The following NEK11 variants were observed in gnomAD, a reference collection of about 807,000 sequenced individuals.
The protein encoded by NEK11 is serine/threonine-protein kinase Nek11.
A neutral mutation model predicts 80.7 loss-of-function variants in NEK11; 72 were observed. That is an observed-to-expected ratio of 0.89 (90% CI 0.74 to 1.08). The LOEUF is 1.08. Among genes scored for constraint, NEK11 ranks in the 50% least tolerant of loss-of-function variants. The pLI, the probability that NEK11 is intolerant of heterozygous loss-of-function variation, is 0.00. For missense variants in NEK11, 764 were observed against 763.6 expected (o/e 1.00, Z -0.01); for synonymous variants, 251 against 260.7 (o/e 0.96, Z 0.36).
chr3:131,055,692 T>A (rs2069338484), intron 3 of NEK11, among the ~76,000 whole-genome samples: 1 of 152,174 alleles, frequency 6.6e-6, no homozygotes, highest in Non-Finnish European at 1.5e-5. Context: ...ATTGCACCAC[T>A]GCGCTCCAAC....
At chr3:131,078,271 G>A (rs1186429800) in intron 3 of NEK11, among the ~76,000 whole-genome samples, 1 of 152,168 alleles carries the variant, frequency 6.6e-6, no homozygotes, top group African/African-American at 2.4e-5. Context: ...TCTTGGATTA[G>A]AAGGTTTTCC....
intron 17 of NEK11, among the ~76,000 whole-genome samples, chr3:131,334,849 A>C (rs933716560): frequency 5.3e-5 from 8 of 152,266 alleles, no homozygotes; most frequent in African/African-American, 1.9e-4. Flanking sequence ...ACCTCTACGC[A>C]AATAAACTAG....
intron 3 of NEK11, among the ~76,000 whole-genome samples, chr3:131,060,076 A>G (rs1012670701): frequency 6.6e-6 from 1 of 152,220 alleles, no homozygotes; most frequent in Admixed American, 6.5e-5. Flanking sequence ...GTGACTGCAC[A>G]GGTACTATGC....
chr3:131,168,968 G>A (rs1426874864), intron 13 of NEK11, 31 bp downstream of exon 13: 1 of 1,545,558 alleles, frequency 6.5e-7, no homozygotes. Context: ...AAGCACAAAA[G>A]TGAGGCAGGT....
At position 131,294,153 on chromosome 3, in the gene NEK11, T is replaced by G. The variant is rs530549705; in HGVS notation, c.1718+20579T>G. Among the ~76,000 whole-genome samples the G allele has an allele frequency of 6.6e-5, 10 of 152,210 alleles. No homozygotes were observed. In the South Asian group the frequency reaches 2.1e-3, roughly 32 times the overall value. On this transcript the variant is annotated intron_variant, in intron 17 of 17. Coordinates refer to ENST00000383366, the MANE Select transcript of NEK11 (RefSeq NM_024800.5). ...CTTTTTCTTTTTCTAAGGTAGAAAC[T>G]TAGATTATGGATTTTATATCTTTCT...
chr3:131,162,525 G>C lies in NEK11; in HGVS notation c.1080G>C (p.Leu360=), dbSNP rs369911605. Residue 360 remains leucine (L), a splice_region_variant and synonymous_variant, in exon 11 of 18, where the codon CTG becomes CTC. Coordinates refer to ENST00000383366, the MANE Select transcript of NEK11 (RefSeq NM_024800.5). ...LQAADEKARK[L]KKIVEEKYEE... is the part of the protein sequence containing the mutation. ...CGGCTGATGAGAAAGCCAGGAAGCTGAAGTAAGCTGCTTTTCCTTTAGGCA... is the reference window on the plus strand; with the variant it reads ...CGGCTGATGAGAAAGCCAGGAAGCTCAAGTAAGCTGCTTTTCCTTTAGGCA... 3.7e-6 allele frequency: 6 copies of C among 1,613,870 alleles called. No individual in the cohort carries two copies. The highest frequency in any genetic ancestry group is 5.1e-6 in the Non-Finnish European group (6 of 1,179,956).
At chr3:131,265,072 GAGACTTTGCTGA>G (rs1245801281) in intron 16 of NEK11, among the ~76,000 whole-genome samples, 1 of 152,178 alleles carries the variant, frequency 6.6e-6, no homozygotes, top group African/African-American at 2.4e-5. Flanking sequence ...TTTGTATCCT[GAGACTTTGCTGA>G]AGTTGCTTAT....
intron 14 of NEK11, among the ~76,000 whole-genome samples, chr3:131,205,582 A>C (rs1283451302): frequency 2.6e-5 from 4 of 152,178 alleles, no homozygotes; most frequent in Non-Finnish European, 5.9e-5. Flanking sequence ...CTATACTCAG[A>C]CAGCCAGAAG....
chr3:131,037,803 A>G (rs1293128652), intron 3 of NEK11, among the ~76,000 whole-genome samples: 1 of 152,182 alleles, frequency 6.6e-6, no homozygotes, highest in East Asian at 1.9e-4. Flanking sequence ...GTCATTTTAA[A>G]CAAAACATCA....
chr3:131,072,829 T>G (rs1402578882), intron 3 of NEK11, among the ~76,000 whole-genome samples: 2 of 152,168 alleles, frequency 1.3e-5, no homozygotes. Context: ...AGGCTGTGAC[T>G]TAGAAATGGG....
intron 17 of NEK11, chr3:131,326,182 G>A (rs1213820184): frequency 6.6e-6 from 1 of 152,156 alleles, no homozygotes. Flanking sequence ...TATGTAATGG[G>A]TACTGAGGCA....
intron 17 of NEK11, among the ~76,000 whole-genome samples, chr3:131,313,534 TC>T (rs1319214018): frequency 6.6e-6 from 1 of 152,196 alleles, no homozygotes; most frequent in African/African-American, 2.4e-5. Flanking sequence ...AGATGCTATC[TC>T]ATGATGGTTT....
At chr3:131,043,174 G>T (rs193105559) in intron 3 of NEK11, among the ~76,000 whole-genome samples, 2 of 152,168 alleles carry the variant, frequency 1.3e-5, no homozygotes, top group Admixed American at 1.3e-4. Context: ...GCGCAAAAAG[G>T]CTGAAAATTC....
intron 4 of NEK11, among the ~76,000 whole-genome samples, chr3:131,104,587 G>A (rs2078898045): frequency 6.6e-6 from 1 of 152,140 alleles, no homozygotes; most frequent in South Asian, 2.1e-4. Context: ...TTGGGGTGGG[G>A]TGGCTGTGAT....
chr3:131,281,248 C>T (rs556034085), intron 17 of NEK11, among the ~76,000 whole-genome samples: 14 of 152,194 alleles, frequency 9.2e-5, no homozygotes, highest in Non-Finnish European at 1.6e-4. Context: ...AGCTTCTATC[C>T]TTGATCCCTT....
At chr3:131,151,942 C>CTTGGA (rs1250418388) in intron 7 of NEK11, among the ~76,000 whole-genome samples, 4 of 151,960 alleles carry the variant, frequency 2.6e-5, no homozygotes, top group African/African-American at 4.8e-5. Context: ...TTTCAAAATG[C>CTTGGA]TTGGATACAC....
chr3:131,277,682 A>G (rs902715305), intron 17 of NEK11, among the ~76,000 whole-genome samples: 2 of 152,196 alleles, frequency 1.3e-5, no homozygotes, highest in African/African-American at 4.8e-5. Flanking sequence ...GATGTCAGGC[A>G]TAGAGTAGAC....
intron 3 of NEK11, among the ~76,000 whole-genome samples, chr3:131,061,449 T>G (rs2148814911): frequency 6.6e-6 from 1 of 152,180 alleles, no homozygotes; most frequent in South Asian, 2.1e-4. Context: ...GTAGACCCCA[T>G]CTAATTTTTA....
chr3:131,094,102 A>C (rs1025124021), intron 4 of NEK11, among the ~76,000 whole-genome samples: 4 of 150,434 alleles, frequency 2.7e-5, no homozygotes, highest in Non-Finnish European at 4.4e-5. Context: ...AGATATAGGG[A>C]TCCAAGGCTT....
Sources: allele counts gnomAD v4.1 joint callset (sites outside exome capture counted in the v4.1 genomes callset), GRCh38; gene constraint gnomAD v4.1.1; transcripts MANE v1.5; gene names NCBI Gene and HGNC (gene_info 2026-07-23, HGNC 2026-07-21).